Variants in KCNAB1 observed in about 807,000 individuals in gnomAD.
KCNAB1 encodes voltage-gated potassium channel subunit beta-1.
A neutral mutation model predicts 64.6 loss-of-function variants in KCNAB1; 35 were observed. The observed-to-expected ratio is 0.54, with a 90% CI of 0.41 to 0.72. The LOEUF is 0.72. Among genes scored for constraint, KCNAB1 ranks in the 30% least tolerant of loss-of-function variants. The probability of loss-of-function intolerance (pLI) is 0.00; values close to 1 mark genes in which losing one functional copy is unlikely to be tolerated. For synonymous variants in KCNAB1, 177 were observed against 183.8 expected, an observed-to-expected ratio of 0.96 and a Z score of 0.30; for missense variants, 401 against 512.9, an observed-to-expected ratio of 0.78 and a Z score of 2.11.
At chr3:156,206,869 G>T in intron 1 of KCNAB1, among the ~76,000 whole-genome samples, 1 of 152,214 alleles carries the variant, frequency 6.6e-6, no homozygotes, top group Admixed American at 6.5e-5. Flanking sequence ...TGGAAAAAAT[G>T]TTTCAGTAAA....
At position 156,531,575 on chromosome 3, in the gene KCNAB1, TC is replaced by T. The variant is rs529451589; in HGVS notation, c.1170+83del. 7,101 of 1,049,404 alleles carry T rather than the reference TC, an allele frequency of 6.8e-3. 37 individuals carry two copies. The highest frequency in any genetic ancestry group is 8.1e-3 in the Non-Finnish European group (5,408 of 665,998). The allele number at this position is 1,049,404 out of a possible 1,614,324, so 65.0% of individuals were successfully genotyped here. ...CTATCTCCAGGCAGTGTCCCATCTCTCCCCCTCTCTGTCCTGGGTGGGGCAA... is the reference window on the plus strand; with the variant it reads ...CTATCTCCAGGCAGTGTCCCATCTCTCCCCTCTCTGTCCTGGGTGGGGCAA... On this transcript the variant is annotated intron_variant, in intron 13 of 13. Transcript: ENST00000490337.
intron 1 of KCNAB1, among the ~76,000 whole-genome samples, chr3:156,222,549 G>A (rs1715848859): frequency 6.6e-6 from 1 of 152,070 alleles, no homozygotes; most frequent in African/African-American, 2.4e-5. Flanking sequence ...AGAAACAATG[G>A]ACTTAAACTA....
intron 1 of KCNAB1, among the ~76,000 whole-genome samples, chr3:156,332,481 T>TAGATATGCCTGTAGATATGCCAA (rs1576736284): frequency 1.3e-5 from 2 of 152,330 alleles, no homozygotes; most frequent in East Asian, 3.9e-4. Flanking sequence ...TGTAGAATAG[T>TAGATATGCCTGTAGATATGCCAA]GCTCCCTGCC....
intron 1 of KCNAB1, among the ~76,000 whole-genome samples, chr3:156,308,879 G>A (rs1360834651): frequency 1.3e-5 from 2 of 152,098 alleles, no homozygotes; most frequent in African/African-American, 4.8e-5. Context: ...TCAACTGATG[G>A]AACATTAGAA....
At chr3:156,160,855 G>A (rs1055008251) in intron 1 of KCNAB1, among the ~76,000 whole-genome samples, 1 of 152,198 alleles carries the variant, frequency 6.6e-6, no homozygotes, top group Admixed American at 6.5e-5. Context: ...AAGGGAAAAT[G>A]CTCATTGATC....
chr3:156,161,123 A>C (rs1716050182), intron 1 of KCNAB1, among the ~76,000 whole-genome samples: 1 of 152,122 alleles, frequency 6.6e-6, no homozygotes, highest in South Asian at 2.1e-4. Flanking sequence ...TCTTCACTAC[A>C]ATTTATTAAC....
chr3:156,373,304 T>A (rs1726440059), intron 1 of KCNAB1, among the ~76,000 whole-genome samples: 1 of 152,166 alleles, frequency 6.6e-6, no homozygotes, highest in Admixed American at 6.5e-5. Flanking sequence ...GGCTTGGAAA[T>A]TTCCTGAGAC....
intron 1 of KCNAB1, among the ~76,000 whole-genome samples, chr3:156,213,317 C>G (rs1715130387): frequency 6.6e-6 from 1 of 151,364 alleles, no homozygotes; most frequent in Non-Finnish European, 1.5e-5. Context: ...TTTTTGGGCT[C>G]AAGCAATTCT....
intron 1 of KCNAB1, among the ~76,000 whole-genome samples, chr3:156,168,500 T>C (rs1164916393): frequency 1.3e-5 from 2 of 152,194 alleles, no homozygotes; most frequent in Non-Finnish European, 2.9e-5. Context: ...ATTATTATTT[T>C]ATTCATCTAA....
In KCNAB1 at chr3:156,526,750, G is replaced by A. The variant is rs193222723; in HGVS notation, c.1081+2803G>A. ...ATACTATTACTAGTCATATCTTACCGATGCTAGTGGAGGATTTTCTATTAC... is the reference window on the plus strand; with the variant it reads ...ATACTATTACTAGTCATATCTTACCAATGCTAGTGGAGGATTTTCTATTAC... On this transcript the variant is annotated intron_variant, in intron 12 of 13. Transcript: ENST00000490337. Among the ~76,000 whole-genome samples the A allele has an allele frequency of 6.6e-4, 100 of 152,108 alleles. No individual in the cohort carries two copies. The East Asian group carries it at 0.011, about 17-fold the overall frequency.
intron 1 of KCNAB1, among the ~76,000 whole-genome samples, chr3:156,247,131 G>T (rs1261600904): frequency 1.3e-5 from 2 of 152,196 alleles, no homozygotes; most frequent in Non-Finnish European, 2.9e-5. Flanking sequence ...CCATGCATCT[G>T]CAGTCAGTTG....
chr3:156,137,223 T>G (rs10460860), intron 1 of KCNAB1, among the ~76,000 whole-genome samples: 8,394 of 28,554 alleles, frequency 0.29, 522 homozygotes, highest in African/African-American at 0.45. Context: ...CATACATTGG[T>G]GGGGGGGGAT....
At chr3:156,351,429 C>G (rs2108085384) in intron 1 of KCNAB1, among the ~76,000 whole-genome samples, 1 of 152,368 alleles carries the variant, frequency 6.6e-6, no homozygotes. Flanking sequence ...TCCACCCAGT[C>G]TTTCAGCATC....
intron 1 of KCNAB1, among the ~76,000 whole-genome samples, chr3:156,155,297 A>G (rs560965692): frequency 6.6e-6 from 1 of 152,316 alleles, no homozygotes; most frequent in East Asian, 1.9e-4. Flanking sequence ...CAGGCATTGG[A>G]GATACAGCAG....
intron 12 of KCNAB1, 31 bp downstream of exon 12, chr3:156,523,978 G>T: frequency 6.2e-7 from 1 of 1,605,204 alleles, no homozygotes; most frequent in Middle Eastern, 1.7e-4. Flanking sequence ...TGGGGTGGTA[G>T]AGGGACTTCT....
intron 10 of KCNAB1, among the ~76,000 whole-genome samples, chr3:156,516,045 C>T (rs555027539): frequency 6.6e-6 from 1 of 150,980 alleles, no homozygotes; most frequent in African/African-American, 2.5e-5. Flanking sequence ...GATATGCACT[C>T]CCAAGAACTG....
intron 1 of KCNAB1, among the ~76,000 whole-genome samples, chr3:156,360,061 G>A (rs1399960943): frequency 6.6e-6 from 1 of 152,154 alleles, no homozygotes; most frequent in Non-Finnish European, 1.5e-5. Flanking sequence ...CTGTTCTTAA[G>A]CTTCAGTGTT....
At chr3:156,340,151 G>C (rs1184055237) in intron 1 of KCNAB1, among the ~76,000 whole-genome samples, 1 of 152,056 alleles carries the variant, frequency 6.6e-6, no homozygotes, top group Non-Finnish European at 1.5e-5. Context: ...TTTTTGCCTG[G>C]ATATCAGCCC....
chr3:156,289,859 A>G (rs1022927994), intron 1 of KCNAB1, among the ~76,000 whole-genome samples: 3 of 152,154 alleles, frequency 2.0e-5, no homozygotes, highest in African/African-American at 7.2e-5. Flanking sequence ...CAGACCAGCT[A>G]TTTTTTTAAT....
Sources: gnomAD v4.1 joint callset for allele counts (sites outside exome capture counted in the v4.1 genomes callset) on GRCh38, gnomAD v4.1.1 for gene constraint, MANE v1.5 for transcripts, NCBI Gene and HGNC (gene_info 2026-07-23, HGNC 2026-07-21) for gene names.